Variants in RNMT observed in about 807,000 individuals in gnomAD.
RNMT encodes the protein RNA guanine-7 methyltransferase.
RNMT carries 27 observed loss-of-function variants against 56.0 expected under a neutral mutation model. The ratio of observed to expected loss-of-function variants is 0.48; its 90% CI spans 0.36 to 0.67. The LOEUF is 0.67. Among genes scored for constraint, RNMT ranks in the 30% least tolerant of loss-of-function variants. The pLI, the probability that RNMT is intolerant of heterozygous loss-of-function variation, is 0.00. For synonymous variants in RNMT, 184 were observed against 176.2 expected (o/e 1.04, Z -0.35); for missense variants, 519 against 552.1 (o/e 0.94, Z 0.60).
chr18:13,750,568 G>A (rs1353887194), intron 9 of RNMT, among the ~76,000 whole-genome samples: 5 of 151,988 alleles, frequency 3.3e-5, no homozygotes, highest in African/African-American at 1.2e-4. Context: ...GGGAGGCTGA[G>A]GTAGGAGAAT....
At chr18:13,748,950 A>G (rs2044395632) in intron 9 of RNMT, among the ~76,000 whole-genome samples, 1 of 152,092 alleles carries the variant, frequency 6.6e-6, no homozygotes. Context: ...GTGGTGGTGC[A>G]TACTTGTAAT....
At chr18:13,740,629 C>T (rs2044237235) in intron 6 of RNMT, among the ~76,000 whole-genome samples, 1 of 152,188 alleles carries the variant, frequency 6.6e-6, no homozygotes, top group African/African-American at 2.4e-5. Flanking sequence ...CTGCCTGCCT[C>T]CCATAGTGCT....
In RNMT at chr18:13,753,749, C is replaced by T. The variant is rs189720293; in HGVS notation, c.1360-365C>T. ...TCACGCCACTGCCCTCCAGTCTGGG[C>T]GACAGAGCAAGGCTCTGTCTCAAAA... is the stretch of plus-strand genomic sequence containing the variant. On this transcript the variant is annotated intron_variant, in intron 10 of 11. Transcript: ENST00000383314. 4.0e-3 allele frequency among the ~76,000 whole-genome samples: 596 copies of T among 149,344 alleles called. 3 individuals are homozygous for T. The highest frequency in any genetic ancestry group is 0.013 in the African/African-American group (514 of 40,414).
intron 5 of RNMT, among the ~76,000 whole-genome samples, chr18:13,737,859 C>CTT (rs1244857000): frequency 6.9e-6 from 1 of 144,572 alleles, no homozygotes; most frequent in Non-Finnish European, 1.5e-5. Context: ...AGGGCAGTTC[C>CTT]TTTTTTTTTT....
chr18:13,740,071 A>G (rs2044227298), intron 5 of RNMT, 96 bp from the exon 6 acceptor site: 1 of 763,026 alleles, frequency 1.3e-6, no homozygotes, highest in African/African-American at 1.7e-5. Context: ...ACTGGTACTA[A>G]GGCTGACTTT....
chr18:13,748,113 G>A (rs772145874), intron 9 of RNMT, among the ~76,000 whole-genome samples: 4 of 152,218 alleles, frequency 2.6e-5, no homozygotes, highest in African/African-American at 7.2e-5. Context: ...CATTCCAAGT[G>A]CAGTGAGTAT....
rs1446732711 is a variant in RNMT at position 13,745,590 on chromosome 18, A to G, written c.1140-630A>G. Among the ~76,000 whole-genome samples, 3 of 152,322 alleles carry G rather than the reference A, an allele frequency of 2.0e-5. No individual in the cohort carries two copies. In the East Asian group the frequency reaches 5.8e-4, roughly 29 times the overall value. ...TTCAGCCTTAGATGTGGGACGTTAG[A>G]GAGTGCCAGTGACACATGCAGGTGA... On this transcript the variant is annotated intron_variant, in intron 8 of 11. Transcript: ENST00000383314.
intron 11 of RNMT, among the ~76,000 whole-genome samples, chr18:13,757,994 G>A (rs2044570950): frequency 6.6e-6 from 1 of 152,162 alleles, no homozygotes; most frequent in Non-Finnish European, 1.5e-5. Context: ...GACCTCCTGG[G>A]TGACCAGGTA....
chr18:13,761,011 T>A lies in RNMT; in HGVS notation c.*1032T>A. The A allele has an allele frequency of 1.0e-6, 1 of 985,364 alleles. No homozygotes were observed. Among genetic ancestry groups the A allele is most frequent in the Non-Finnish European group, 1.2e-6 (1 of 829,850 alleles). The allele number at this position is 985,364 out of a possible 1,614,324, so 61.0% of individuals were successfully genotyped here. On this transcript the variant is annotated 3_prime_UTR_variant, in exon 12 of 12. Transcript: ENST00000383314. ...TTTGGAAAACTTACCAGTTTTTAGA[T>A]GTAGATGTAGTGAAAAACTTCAAGA...
intron 11 of RNMT, among the ~76,000 whole-genome samples, chr18:13,759,036 G>A (rs972264358): frequency 1.3e-5 from 2 of 152,086 alleles, no homozygotes; most frequent in African/African-American, 2.4e-5. Context: ...AAGGCACCTC[G>A]ATAAAGTTTG....
intron 7 of RNMT, 150 bp from the exon 8 acceptor site, chr18:13,742,338 A>T (rs994229280): frequency 4.7e-4 from 72 of 151,684 alleles, no homozygotes; most frequent in Non-Finnish European, 7.0e-4. Flanking sequence ...TTGTCACTTT[A>T]AAAAAAAAAA....
rs2044621308 is a variant in RNMT at position 13,761,642 on chromosome 18, G to A, written c.*1663G>A. On this transcript the variant is annotated 3_prime_UTR_variant, in exon 12 of 12. Transcript: ENST00000383314. ...ACAAAGCAGGGAGAACAGAAAGGTA[G>A]AGTTACTAAGGCCTTCAGTGAACAG... 3 of 1,005,708 alleles carry A rather than the reference G, an allele frequency of 3.0e-6. No individual in the cohort carries two copies. In the African/African-American group the frequency reaches 5.2e-5, roughly 17 times the overall value. The allele number at this position is 1,005,708 out of a possible 1,614,324, so 62.3% of individuals were successfully genotyped here. A position where few individuals can be genotyped will look rare whatever the true frequency, so the allele number is the denominator to read the frequency against.
At chr18:13,749,035 C>A (rs1231557163) in intron 9 of RNMT, among the ~76,000 whole-genome samples, 4 of 152,102 alleles carry the variant, frequency 2.6e-5, no homozygotes. Flanking sequence ...GCGAAGATCA[C>A]GCCACTGCAC....
intron 11 of RNMT, among the ~76,000 whole-genome samples, chr18:13,759,372 G>GGA (rs1044585027): frequency 5.4e-4 from 82 of 152,104 alleles, no homozygotes; most frequent in African/African-American, 1.9e-3. Flanking sequence ...CTTATTTCAG[G>GGA]GAGAGAGCTC....
chr18:13,734,200 G>A (rs895388345), intron 3 of RNMT, among the ~76,000 whole-genome samples: 3 of 152,198 alleles, frequency 2.0e-5, no homozygotes, highest in African/African-American at 7.2e-5. Context: ...GGAACTGTGA[G>A]TCCATTGAAC....
intron 9 of RNMT, among the ~76,000 whole-genome samples, chr18:13,750,421 G>A (rs899715894): frequency 3.3e-5 from 5 of 151,810 alleles, no homozygotes; most frequent in Admixed American, 3.3e-4. Context: ...TAGAGAAGGT[G>A]CAAGTGTTTG....
intron 6 of RNMT, among the ~76,000 whole-genome samples, chr18:13,740,992 A>G (rs1418437735): frequency 1.3e-5 from 2 of 152,216 alleles, no homozygotes; most frequent in Non-Finnish European, 2.9e-5. Flanking sequence ...AACTGCTTCA[A>G]GGGTGAAAGT....
Position 13,760,874 on chromosome 18 carries a change from A to G in RNMT, c.*895A>G. 2.0e-6 allele frequency: 2 copies of G among 985,446 alleles called. No individual in the cohort carries two copies. Among genetic ancestry groups the G allele is most frequent in the Non-Finnish European group, 2.4e-6 (2 of 829,920 alleles). The allele number at this position is 985,446 out of a possible 1,614,324, so 61.0% of individuals were successfully genotyped here. A position where few individuals can be genotyped will look rare whatever the true frequency, so the allele number is the denominator to read the frequency against. The stretch of plus-strand genomic sequence containing the variant: ...TAAGCAATACTTGTTCCTCTGTTAC[A>G]ACCTCAGCACTTTGCACCGTAGGAG... On this transcript the variant is annotated 3_prime_UTR_variant, in exon 12 of 12. Transcript: ENST00000383314.
intron 11 of RNMT, among the ~76,000 whole-genome samples, chr18:13,758,346 G>C (rs768654767): frequency 9.2e-5 from 14 of 152,144 alleles, no homozygotes; most frequent in Non-Finnish European, 1.9e-4. Flanking sequence ...AGACTGTCTC[G>C]TCTTCATTGA....
Sources: gnomAD v4.1 joint callset for allele counts (sites outside exome capture counted in the v4.1 genomes callset) on GRCh38, gnomAD v4.1.1 for gene constraint, MANE v1.5 for transcripts, NCBI Gene and HGNC (gene_info 2026-07-23, HGNC 2026-07-21) for gene names.